Variants in THSD7B observed in about 807,000 individuals in gnomAD.
THSD7B encodes the protein thrombospondin type-1 domain-containing protein 7B.
Under a neutral mutation model 213.6 loss-of-function variants are expected in THSD7B, and 138 were observed. The observed-to-expected ratio is 0.65, with a 90% CI of 0.56 to 0.74. The LOEUF (loss-of-function observed/expected upper bound fraction) is 0.74, where lower values mean the gene tolerates loss of function less well. Ranked by LOEUF, THSD7B falls within the 30% of genes least tolerant of loss-of-function variation. The probability of loss-of-function intolerance (pLI) is 0.00; values close to 1 mark genes in which losing one functional copy is unlikely to be tolerated. For missense variants in THSD7B, 1,931 were observed against 1,991.5 expected, an observed-to-expected ratio of 0.97 and a Z score of 0.58; for synonymous variants, 742 against 687.0, an observed-to-expected ratio of 1.08 and a Z score of -1.25.
At chr2:137,296,390 A>G (rs137879270) in intron 12 of THSD7B, among the ~76,000 whole-genome samples, 9 of 152,250 alleles carry the variant, frequency 5.9e-5, no homozygotes, top group African/African-American at 1.9e-4. Flanking sequence ...ACAAACACAG[A>G]ACTTACAACA....
At chr2:137,239,262 C>A (rs1219271490) in intron 9 of THSD7B, among the ~76,000 whole-genome samples, 1 of 152,126 alleles carries the variant, frequency 6.6e-6, no homozygotes, top group Admixed American at 6.5e-5. Context: ...ATTACCAAAG[C>A]CAGAAAATGT....
chr2:137,388,644 C>G (rs972702299), intron 12 of THSD7B, among the ~76,000 whole-genome samples: 2 of 152,012 alleles, frequency 1.3e-5, no homozygotes, highest in Non-Finnish European at 2.9e-5. Flanking sequence ...TACCCATTAA[C>G]CAACCTCTCT....
chr2:137,639,058 A>G (rs894999400), intron 20 of THSD7B, among the ~76,000 whole-genome samples: 6 of 151,518 alleles, frequency 4.0e-5, no homozygotes, highest in Non-Finnish European at 8.8e-5. Flanking sequence ...AGAAATTTGC[A>G]TAAGTAGCAA....
intron 12 of THSD7B, among the ~76,000 whole-genome samples, chr2:137,395,241 A>G (rs1358456021): frequency 1.4e-5 from 2 of 145,942 alleles, no homozygotes; most frequent in Admixed American, 1.4e-4. Flanking sequence ...GTCTTTTGCC[A>G]GTTTTCAAAG....
chr2:137,142,189 G>A (rs1679600546), intron 5 of THSD7B, among the ~76,000 whole-genome samples: 1 of 152,106 alleles, frequency 6.6e-6, no homozygotes, highest in African/African-American at 2.4e-5. Context: ...TCACATTTCT[G>A]GAGACTGCTC....
Position 137,565,911 on chromosome 2 carries a change from T to C in THSD7B, c.3272+2557T>C, listed in dbSNP as rs779045665. 9.7e-4 allele frequency among the ~76,000 whole-genome samples: 148 copies of C among 152,294 alleles called. 1 individual carries two copies. Among genetic ancestry groups the C allele is most frequent in the Non-Finnish European group, 9.0e-4 (61 of 68,016 alleles). On this transcript the variant is annotated intron_variant, in intron 16 of 27. Transcript: ENST00000409968. ...CATTTGAGAGATTAAGTTTTCAATA[T>C]GTGAAATCTGGGGAACACATTCAAC...
At chr2:137,548,546 G>A (rs575054439) in intron 15 of THSD7B, among the ~76,000 whole-genome samples, 4 of 151,992 alleles carry the variant, frequency 2.6e-5, no homozygotes, top group Non-Finnish European at 4.4e-5. Flanking sequence ...AATCTCAGAA[G>A]TCTTAGTAAC....
intron 12 of THSD7B, among the ~76,000 whole-genome samples, chr2:137,316,622 G>T (rs1357016931): frequency 6.6e-6 from 1 of 152,078 alleles, no homozygotes; most frequent in African/African-American, 2.4e-5. Flanking sequence ...GCCAGGCGCG[G>T]TGGTGGGTGC....
chr2:137,010,013 C>T (rs554972462), intron 2 of THSD7B, among the ~76,000 whole-genome samples: 10 of 152,294 alleles, frequency 6.6e-5, no homozygotes, highest in Admixed American at 1.3e-4. Flanking sequence ...GAATTAAATT[C>T]GGGTAATTTT....
intron 1 of THSD7B, among the ~76,000 whole-genome samples, chr2:136,871,893 C>T (rs1683436582): frequency 6.6e-6 from 1 of 152,174 alleles, no homozygotes; most frequent in Admixed American, 6.5e-5. Context: ...CCTTTCTTCA[C>T]TGAAATGACA....
At chr2:137,311,590 C>T (rs1033699751) in intron 12 of THSD7B, among the ~76,000 whole-genome samples, 2 of 152,102 alleles carry the variant, frequency 1.3e-5, no homozygotes, top group Non-Finnish European at 2.9e-5. Flanking sequence ...TGCCCGTTTT[C>T]AAAGGGAATA....
intron 15 of THSD7B, among the ~76,000 whole-genome samples, chr2:137,454,470 CTATCTATG>C (rs1687722335): frequency 7.0e-6 from 1 of 142,368 alleles, no homozygotes; most frequent in Admixed American, 7.1e-5. Flanking sequence ...ATCTATCTAT[CTATCTATG>C]TGTGTGTGTG....
intron 2 of THSD7B, among the ~76,000 whole-genome samples, chr2:136,980,790 T>C (rs56237235): frequency 0.1 from 15,399 of 152,244 alleles, 1,009 homozygotes; most frequent in East Asian, 0.16. Flanking sequence ...CTGAGGGTTG[T>C]ACTAATCTGT....
chr2:137,546,455 T>TATAATATATA (rs1491145044), intron 15 of THSD7B, among the ~76,000 whole-genome samples: 4 of 19,698 alleles, frequency 2.0e-4, no homozygotes, highest in African/African-American at 1.7e-3. Context: ...TATATATATA[T>TATAATATATA]TATATATAAT....
At position 137,502,891 on chromosome 2, in the gene THSD7B, G is replaced by A. The variant is rs865780960; in HGVS notation, c.3138+51868G>A. The stretch of plus-strand genomic sequence containing the variant: ...GCCTACAGAAAATCATGAAAAATGT[G>A]TATATCCATGTATGGAATATAATAT... On this transcript the variant is annotated intron_variant, in intron 15 of 27. Coordinates refer to ENST00000409968, the MANE Select transcript of THSD7B (RefSeq NM_001316349.2). Among the ~76,000 whole-genome samples, 2 of 152,152 alleles carry A rather than the reference G, an allele frequency of 1.3e-5. 1 individual carries two copies. The highest frequency in any genetic ancestry group is 6.8e-3 in the Middle Eastern group (2 of 294).
At chr2:136,817,632 T>A (rs2104935154) in intron 1 of THSD7B, among the ~76,000 whole-genome samples, 1 of 151,892 alleles carries the variant, frequency 6.6e-6, no homozygotes, top group Non-Finnish European at 1.5e-5. Context: ...CCTTTCCCCA[T>A]TGCTTGTTTT....
intron 1 of THSD7B, among the ~76,000 whole-genome samples, chr2:136,865,628 T>C (rs1573676900): frequency 6.6e-6 from 1 of 152,314 alleles, no homozygotes; most frequent in South Asian, 2.1e-4. Context: ...TTCTTGTCCA[T>C]GTGAGTTAGA....
chr2:137,121,035 G>A (rs893173132), intron 5 of THSD7B, among the ~76,000 whole-genome samples: 1 of 152,164 alleles, frequency 6.6e-6, no homozygotes, highest in Non-Finnish European at 1.5e-5. Context: ...TACTGGTTCT[G>A]TTTGATTGCA....
rs1358233946 is a variant in THSD7B, at chr2:137,586,663, C to A, written c.3423+14107C>A. 7.9e-5 allele frequency among the ~76,000 whole-genome samples: 12 copies of A among 152,112 alleles called. No homozygotes were observed. The East Asian group carries it at 2.3e-3, about 29-fold the overall frequency. On this transcript the variant is annotated intron_variant, in intron 17 of 27. Transcript: ENST00000409968. ...TTCTTTAAGAATGTTGAATATTGGC[C>A]CCCACTCTCTTCTGGCTTGTAGAGT...
Sources: gnomAD v4.1 joint callset for allele counts (sites outside exome capture counted in the v4.1 genomes callset) on GRCh38, gnomAD v4.1.1 for gene constraint, MANE v1.5 for transcripts, NCBI Gene and HGNC (gene_info 2026-07-23, HGNC 2026-07-21) for gene names.